Variants in TLN2 observed in about 807,000 individuals in gnomAD.
TLN2 encodes the protein talin 2, also known as talin-2.
A neutral mutation model predicts 294.7 loss-of-function variants in TLN2; 118 were observed. The observed-to-expected ratio is 0.40, with a 90% CI of 0.34 to 0.47. TLN2 has a LOEUF of 0.47. Ranked by LOEUF, TLN2 falls within the 20% of genes least tolerant of loss-of-function variation. The pLI is 0.84. For synonymous variants in TLN2, 1,431 were observed against 1,304.5 expected (o/e 1.10, Z -2.09); for missense variants, 3,083 against 3,282.2 (o/e 0.94, Z 1.48).
intron 19 of TLN2, among the ~76,000 whole-genome samples, chr15:62,703,206 A>G (rs949237855): frequency 5.3e-5 from 8 of 151,546 alleles, no homozygotes; most frequent in African/African-American, 7.3e-5. Context: ...GGGTTCAAGC[A>G]ATTCTCCTGC....
chr15:62,446,190 G>C (rs952015676), intron 1 of TLN2, among the ~76,000 whole-genome samples: 1 of 151,748 alleles, frequency 6.6e-6, no homozygotes, highest in African/African-American at 2.4e-5. Flanking sequence ...GGTAGAGACA[G>C]GGTTTCACCG....
At chr15:62,406,738 C>G (rs1211163472) in intron 1 of TLN2, among the ~76,000 whole-genome samples, 2 of 152,122 alleles carry the variant, frequency 1.3e-5, no homozygotes, top group Admixed American at 1.3e-4. Context: ...CTGGCTGTGT[C>G]TTAGCTAGTC....
At chr15:62,461,856 C>G (rs2036827285) in intron 1 of TLN2, among the ~76,000 whole-genome samples, 1 of 152,204 alleles carries the variant, frequency 6.6e-6, no homozygotes, top group Non-Finnish European at 1.5e-5. Flanking sequence ...CAGCTGTTGG[C>G]TAGACCCTAT....
At chr15:62,765,316 C>CT (rs879656479) in intron 40 of TLN2, among the ~76,000 whole-genome samples, 276 of 146,076 alleles carry the variant, frequency 1.9e-3, no homozygotes, top group Non-Finnish European at 2.9e-3. Flanking sequence ...TCCCTTTTTC[C>CT]TTTTTTTTTT....
intron 32 of TLN2, 105 bp from the exon 33 acceptor site, chr15:62,748,232 TCCTGGGGACCCGAG>T: frequency 1.3e-6 from 1 of 752,300 alleles, no homozygotes. Flanking sequence ...AGAAGAGTTC[TCCTGGGGACCCGAG>T]CTGAAATAGT....
chr15:62,722,493 T>TG lies in TLN2; in HGVS notation c.3126+8dup. ...TGCGTACCGCCTCGCAGAAGGCAAG[T>TG]GGAGCGTGTCATAGGGGTTAACTTG... On this transcript the variant is annotated splice_region_variant and intron_variant, in intron 26 of 58. Transcript: ENST00000636159. The TG allele has an allele frequency of 6.2e-7, 1 of 1,608,930 alleles. No homozygotes were observed. Among genetic ancestry groups the TG allele is most frequent in the Non-Finnish European group, 8.5e-7 (1 of 1,177,596 alleles).
At chr15:62,697,372 G>A (rs2058419433) in intron 14 of TLN2, among the ~76,000 whole-genome samples, 2 of 152,164 alleles carry the variant, frequency 1.3e-5, no homozygotes, top group Admixed American at 6.5e-5. Flanking sequence ...GCCTCCAAAA[G>A]GGCTGGGATT....
At chr15:62,731,810 T>C (rs2140944522) in intron 28 of TLN2, among the ~76,000 whole-genome samples, 1 of 152,362 alleles carries the variant, frequency 6.6e-6, no homozygotes. Flanking sequence ...GTTTTATATA[T>C]GTTTTCCAGA....
At chr15:62,731,606 A>G (rs556952347) in intron 28 of TLN2, among the ~76,000 whole-genome samples, 30 of 152,278 alleles carry the variant, frequency 2.0e-4, no homozygotes, top group Admixed American at 3.3e-4. Context: ...TTTTGGGCTC[A>G]GAACTATGCT....
At chr15:62,769,066 C>G (rs2063192779) in intron 41 of TLN2, among the ~76,000 whole-genome samples, 1 of 152,224 alleles carries the variant, frequency 6.6e-6, no homozygotes, top group African/African-American at 2.4e-5. Context: ...AGCCGGGCTC[C>G]CATTTAGTTT....
chr15:62,817,457 A>C (rs2067201946), intron 52 of TLN2, among the ~76,000 whole-genome samples: 1 of 152,216 alleles, frequency 6.6e-6, no homozygotes, highest in Non-Finnish European at 1.5e-5. Flanking sequence ...GAAGTATAAA[A>C]GATTATAAGA....
At chr15:62,411,535 T>A (rs183406417) in intron 1 of TLN2, among the ~76,000 whole-genome samples, 33 of 150,332 alleles carry the variant, frequency 2.2e-4, no homozygotes, top group African/African-American at 5.5e-4. Context: ...TTTGATATAT[T>A]TTTTTTTCTT....
chr15:62,651,941 G>A, intron 5 of TLN2, 64 bp from the exon 6 acceptor site: 1 of 1,463,274 alleles, frequency 6.8e-7, no homozygotes, highest in Non-Finnish European at 9.1e-7. Flanking sequence ...TTAAAGAAAA[G>A]TGTTCAAGTT....
At chr15:62,590,708 G>C (rs74712155) in intron 2 of TLN2, among the ~76,000 whole-genome samples, 2,269 of 152,200 alleles carry the variant, frequency 0.015, 55 homozygotes, top group African/African-American at 0.051. Flanking sequence ...GTCCTGGGGG[G>C]GTTGTGTGAT....
intron 3 of TLN2, among the ~76,000 whole-genome samples, chr15:62,632,130 C>T (rs190951499): frequency 6.6e-6 from 1 of 152,320 alleles, no homozygotes; most frequent in African/African-American, 2.4e-5. Flanking sequence ...AGCCCCAGCG[C>T]CTGCTTAGAG....
Position 62,677,552 on chromosome 15 carries a change from C to T in TLN2, c.957+2231C>T, listed in dbSNP as rs555720326. Among the ~76,000 whole-genome samples, 103 of 152,178 alleles carry T rather than the reference C, an allele frequency of 6.8e-4. No individual in the cohort carries two copies. The Middle Eastern group carries it at 0.014, about 20-fold the overall frequency. On this transcript the variant is annotated intron_variant, in intron 11 of 58. Transcript: ENST00000636159. ...CCTAAGAAAAATCGGTCCATGGTCACCAGGATAATTTGAGAGAGAGCAAAG... is the reference window on the plus strand; with the variant it reads ...CCTAAGAAAAATCGGTCCATGGTCATCAGGATAATTTGAGAGAGAGCAAAG...
At chr15:62,758,607 G>A (rs1192898785) in intron 37 of TLN2, 3 of 152,220 alleles carry the variant, frequency 2.0e-5, no homozygotes, top group African/African-American at 4.8e-5. Flanking sequence ...AGCACTTTCA[G>A]TGTGTACCAC....
intron 1 of TLN2, among the ~76,000 whole-genome samples, chr15:62,514,286 GA>G (rs1480685050): frequency 1.3e-5 from 2 of 152,052 alleles, no homozygotes; most frequent in Non-Finnish European, 2.9e-5. Context: ...GTAGTGTTAT[GA>G]AAAAAATAAC....
chr15:62,704,010 T>C (rs535346232), intron 19 of TLN2, among the ~76,000 whole-genome samples: 68 of 152,330 alleles, frequency 4.5e-4, no homozygotes, highest in Admixed American at 2.9e-3. Context: ...TATATAAATA[T>C]ATCCTAATTA....
Sources: allele counts gnomAD v4.1 joint callset (sites outside exome capture counted in the v4.1 genomes callset), GRCh38; gene constraint gnomAD v4.1.1; transcripts MANE v1.5; gene names NCBI Gene and HGNC (gene_info 2026-07-23, HGNC 2026-07-21).